Variants in ACLY observed in about 807,000 individuals in gnomAD.
ACLY encodes ATP citrate lyase.
Under a neutral mutation model 133.0 loss-of-function variants are expected in ACLY, and 41 were observed. The ratio of observed to expected loss-of-function variants is 0.31; its 90% CI spans 0.24 to 0.40. ACLY has a LOEUF of 0.40. Among genes scored for constraint, ACLY ranks in the 10% least tolerant of loss-of-function variants. The pLI, the probability that ACLY is intolerant of heterozygous loss-of-function variation, is 1.00. For synonymous variants in ACLY, 495 were observed against 549.3 expected (o/e 0.90, Z 1.38); for missense variants, 1,046 against 1,453.8 (o/e 0.72, Z 4.56).
chr17:41,910,422 T>C (rs1426043036), intron 3 of ACLY, 138 bp from the exon 4 acceptor site: 19 of 709,298 alleles, frequency 2.7e-5, no homozygotes, highest in Non-Finnish European at 4.6e-5. Flanking sequence ...CCAGAAAAAA[T>C]GGGGTCACAG....
At chr17:41,870,004 C>T (rs1225142254) in intron 25 of ACLY, among the ~76,000 whole-genome samples, 1 of 152,150 alleles carries the variant, frequency 6.6e-6, no homozygotes, top group Non-Finnish European at 1.5e-5. Flanking sequence ...ACTAAACAAA[C>T]ACGTGTTTAG....
chr17:41,886,046 C>T (rs782558707), intron 18 of ACLY, 66 bp downstream of exon 18: 210 of 1,515,526 alleles, frequency 1.4e-4, no homozygotes, highest in Non-Finnish European at 1.9e-4. Flanking sequence ...CTGCAGGACA[C>T]AGCATCGTCT....
At position 41,892,341 on chromosome 17, in the gene ACLY, TGA is replaced by T; in HGVS notation, c.1706_1707del (p.Leu569HisfsTer11). 6.2e-7 allele frequency: 1 copy of T among 1,609,440 alleles called. No homozygotes were observed. Among genetic ancestry groups the T allele is most frequent in the Non-Finnish European group, 8.5e-7 (1 of 1,179,394 alleles). The part of the protein sequence containing the change: ...AMRKHPEVDV[L>X]INFASLRSAY... ...GCAGAGCGGAGAGAGGCAAAGTTGA[TGA>T]GCACATCTACCTCCGGATGCTTCCT... On this transcript the variant is annotated frameshift_variant, in exon 16 of 29. Transcript: ENST00000352035. LOFTEE classifies it high-confidence loss of function.
chr17:41,928,457 T>C (rs2050267825), intron 1 of ACLY, among the ~76,000 whole-genome samples: 1 of 152,150 alleles, frequency 6.6e-6, no homozygotes, highest in Admixed American at 6.6e-5. Flanking sequence ...AGAATTTAAG[T>C]TCTCTTTTGT....
intron 8 of ACLY, 62 bp downstream of exon 8, chr17:41,906,466 T>C (rs12948100): frequency 0.15 from 224,612 of 1,449,474 alleles, 18,485 homozygotes; most frequent in East Asian, 0.16. Context: ...CCACCCAGGC[T>C]ACACACATGT....
intron 25 of ACLY, among the ~76,000 whole-genome samples, chr17:41,871,386 CTT>C (rs1555625011): frequency 6.8e-6 from 1 of 146,724 alleles, no homozygotes; most frequent in Non-Finnish European, 1.5e-5. Context: ...GAGTTTCACT[CTT>C]GTTGCCCAGA....
intron 22 of ACLY, among the ~76,000 whole-genome samples, chr17:41,876,401 G>A (rs868935722): frequency 7.9e-5 from 12 of 152,330 alleles, no homozygotes; most frequent in African/African-American, 2.9e-4. Flanking sequence ...CCACCACCCT[G>A]TCTGGGAGGT....
rs549245272 is a variant in ACLY at position 41,892,289 on chromosome 17, T to C, written c.1760A>G (p.Asn587Ser). The change falls in exon 16 of 29, where the codon AAC becomes AGC. Residue 587 changes from asparagine (N) to serine (S), a missense_variant. Transcript: ENST00000352035. ...SAYDSTMETM[N>S]YAQIRTIAII... ...AGCCCAGTGATCTACCTGGGCATAG[T>C]TCATGGTCTCCATGGTGCTGTCATA... 8 of 1,368,404 alleles carry C rather than the reference T, an allele frequency of 5.8e-6. No homozygotes were observed. The South Asian group carries it at 7.0e-5, about 12-fold the overall frequency. 84.8% of individuals were successfully genotyped at this position (1,368,404 alleles called of 1,614,324 possible).
At chr17:41,875,577 G>A (rs1309719578) in intron 22 of ACLY, among the ~76,000 whole-genome samples, 8 of 152,260 alleles carry the variant, frequency 5.3e-5, no homozygotes, top group South Asian at 2.1e-4. Flanking sequence ...GAGTGCCTGC[G>A]ATTGCAGGCG....
intron 19 of ACLY, among the ~76,000 whole-genome samples, chr17:41,883,756 T>C (rs1460155536): frequency 3.3e-5 from 5 of 151,896 alleles, no homozygotes; most frequent in African/African-American, 4.8e-5. Flanking sequence ...GGCTAATTTT[T>C]ATATTTTTAG....
rs946866792 is a variant in ACLY, at chr17:41,887,691, C to T, written c.1783G>A (p.Ala595Thr). 16 of 1,613,214 alleles carry T rather than the reference C, an allele frequency of 9.9e-6. No homozygotes were observed. The highest frequency in any genetic ancestry group is 6.7e-5 in the Admixed American group (4 of 59,944). ...TCAGGGATGCCTTCAGCTATGATGG[C>T]GATGGTCCGGATCTAGAGGATGACA... Reference protein sequence around the residue: ...TMNYAQIRTIAIIAEGIPEAL... With the variant: ...TMNYAQIRTITIIAEGIPEAL... Residue 595 changes from alanine to threonine, a missense_variant, in exon 17 of 29, where the codon GCC (alanine) becomes ACC (threonine). This residue lies in a region of ACLY where 575 missense variants were observed against 804.2 expected (regional missense o/e 0.71). Transcript: ENST00000352035.
At chr17:41,908,732 C>A (rs1274005452) in intron 6 of ACLY, among the ~76,000 whole-genome samples, 1 of 152,198 alleles carries the variant, frequency 6.6e-6, no homozygotes, top group African/African-American at 2.4e-5. Flanking sequence ...CCACTGTACT[C>A]CAGCCTGGGC....
intron 20 of ACLY, among the ~76,000 whole-genome samples, chr17:41,880,115 G>T (rs1555627071): frequency 6.6e-6 from 1 of 152,186 alleles, no homozygotes; most frequent in Non-Finnish European, 1.5e-5. Flanking sequence ...GGTGCAGAGA[G>T]TAATCATAGT....
chr17:41,910,161 G>A lies in ACLY; in HGVS notation c.345+61C>T, dbSNP rs553055015. 121 of 1,521,550 alleles carry A rather than the reference G, an allele frequency of 8.0e-5. 1 individual carries two copies. The East Asian group carries it at 1.4e-3, about 18-fold the overall frequency. The allele number at this position is 1,521,550 out of a possible 1,614,324, so 94.3% of individuals were successfully genotyped here. A position where few individuals can be genotyped will look rare whatever the true frequency, so the allele number is the denominator to read the frequency against. Reference sequence around the variant, plus strand: ...AGCTTGACTTCTTTCCTCAGGTTACGGTGGACAAACCCAAGGTTCCAGGAG... The same window carrying A: ...AGCTTGACTTCTTTCCTCAGGTTACAGTGGACAAACCCAAGGTTCCAGGAG... On this transcript the variant is annotated intron_variant, in intron 4 of 28. Coordinates refer to ENST00000352035, the MANE Select transcript of ACLY (RefSeq NM_001096.3).
At chr17:41,886,449 T>A in intron 17 of ACLY, 141 bp from the exon 18 acceptor site, 1 of 791,104 alleles carries the variant, frequency 1.3e-6, no homozygotes, top group Non-Finnish European at 2.0e-6. Flanking sequence ...ACTTGCCCAC[T>A]GGGTTTCCTG....
chr17:41,912,287 G>T, intron 3 of ACLY, 133 bp downstream of exon 3: 2 of 1,235,802 alleles, frequency 1.6e-6, no homozygotes, highest in Middle Eastern at 2.9e-4. Flanking sequence ...GTGGGTCAGC[G>T]CCACAGGACT....
intron 3 of ACLY, among the ~76,000 whole-genome samples, chr17:41,911,787 G>T (rs1293667690): frequency 1.3e-5 from 2 of 152,116 alleles, no homozygotes; most frequent in Non-Finnish European, 2.9e-5. Flanking sequence ...CTGCACTACA[G>T]CCTTGAGTGA....
At chr17:41,908,737 CT>C (rs1366908833) in intron 6 of ACLY, among the ~76,000 whole-genome samples, 1 of 152,180 alleles carries the variant, frequency 6.6e-6, no homozygotes, top group African/African-American at 2.4e-5. Flanking sequence ...GTACTCCAGC[CT>C]GGGCGACAGG....
chr17:41,896,549 G>A, intron 14 of ACLY, 71 bp downstream of exon 14: 2 of 1,402,156 alleles, frequency 1.4e-6, no homozygotes, highest in Middle Eastern at 1.8e-4. Context: ...GGGGGAAACA[G>A]AGCACACAGT....
Sources: gnomAD v4.1 joint callset for allele counts (sites outside exome capture counted in the v4.1 genomes callset) on GRCh38, gnomAD v4.1.1 for gene constraint, gnomAD v4.1.1 regional missense constraint, MANE v1.5 for transcripts, NCBI Gene and HGNC (gene_info 2026-07-23, HGNC 2026-07-21) for gene names.